FLNC: variants seen among roughly 807,000 people sequenced by gnomAD.
FLNC encodes filamin-C.
In FLNC, 91 loss-of-function variants were observed where a neutral mutation model predicts 254.3. The observed-to-expected ratio is 0.36, with a 90% CI of 0.30 to 0.43. The LOEUF (loss-of-function observed/expected upper bound fraction) is 0.43. Among genes scored for constraint, FLNC ranks in the 20% least tolerant of loss-of-function variants. The probability of loss-of-function intolerance (pLI) is 1.00; values close to 1 mark genes in which losing one functional copy is unlikely to be tolerated. For synonymous variants in FLNC, 1,430 were observed against 1,577.2 expected (o/e 0.91, Z 2.21); for missense variants, 2,853 against 3,802.6 (o/e 0.75, Z 6.57).
At position 128,851,599 on chromosome 7, in the gene FLNC, CG is replaced by C; in HGVS notation, c.5817del (p.Ser1940AlafsTer13). 6.2e-7 allele frequency: 1 copy of C among 1,613,950 alleles called. No homozygotes were observed. Among genetic ancestry groups the C allele is most frequent in the Non-Finnish European group, 8.5e-7 (1 of 1,180,048 alleles). ...IIVRFDDKHI[P>X]GSPFTAKITG... is the part of the protein sequence containing the mutation. The stretch of plus-strand genomic sequence containing the variant: ...GTGCGCTTCGATGACAAGCACATCC[CG>C]GGGAGCCCCTTCACAGCCAAGATCA... On this transcript the variant is annotated frameshift_variant, in exon 35 of 48. Transcript: ENST00000325888. LOFTEE classifies it high-confidence loss of function.
In FLNC at chr7:128,840,535, C is replaced by G. The variant is rs760933673; in HGVS notation, c.1550-13C>G. ...GATCTGCCTTCTTCCCCACCCTGCCCCCATCTCCTCAGAGGGCACAGAGGA... is the reference window on the plus strand; with the variant it reads ...GATCTGCCTTCTTCCCCACCCTGCCGCCATCTCCTCAGAGGGCACAGAGGA... On this transcript the variant is annotated splice_polypyrimidine_tract_variant and intron_variant, in intron 9 of 47. Transcript: ENST00000325888. 1 of 1,614,150 alleles carries G rather than the reference C, an allele frequency of 6.2e-7. No individual in the cohort carries two copies. Among genetic ancestry groups the G allele is most frequent in the Non-Finnish European group, 8.5e-7 (1 of 1,180,022 alleles).
rs182501707 is a variant in FLNC, at chr7:128,836,382, G to A, written c.602-778G>A. ...AAGCATTCCCAGCTGCTGAGCCATG[G>A]CCCATAACTGGTGTGGCTGCCAGCA... On this transcript the variant is annotated intron_variant, in intron 2 of 47. Transcript: ENST00000325888. The surrounding 1 kb of genome is among the most constrained non-coding windows in gnomAD (Gnocchi z 6.0). Among the ~76,000 whole-genome samples the A allele has an allele frequency of 6.6e-6, 1 of 152,314 alleles. No homozygotes were observed. Among genetic ancestry groups the A allele is most frequent in the African/African-American group, 2.4e-5 (1 of 41,556 alleles).
chr7:128,846,086 C>T lies in FLNC; in HGVS notation c.3887C>T (p.Ser1296Leu), dbSNP rs747587140. 2.5e-5 allele frequency: 40 copies of T among 1,613,786 alleles called. No individual in the cohort carries two copies. Among genetic ancestry groups the T allele is most frequent in the Middle Eastern group, 1.6e-4 (1 of 6,084 alleles). The stretch of plus-strand genomic sequence containing the variant: ...GTGACGGCTCGTGTGCTCAACCCCT[C>T]GGGGGCCAAGACAGACACCTATGTG... ...NHVTARVLNP[S>L]GAKTDTYVTD... Residue 1296 changes from serine to leucine, a missense_variant, in exon 22 of 48, where the codon TCG becomes TTG. Physicochemically the swap from Ser to Leu is moderately radical, Grantham distance 145 (BLOSUM62 -2). Around this residue, in one of 10 missense-constraint regions of FLNC, gnomAD observed 1,573 missense variants for 1,883.5 expected, o/e 0.84. Transcript: ENST00000325888.
chr7:128,835,721 T>G lies in FLNC; in HGVS notation c.601+147T>G. ...CCTGCAGGGTTTGTCCTCCTCCAGC[T>G]GTGGCTCTCCGCTGGCTGGTGGCAG... On this transcript the variant is annotated intron_variant, in intron 2 of 47. Coordinates refer to ENST00000325888, the MANE Select transcript of FLNC (RefSeq NM_001458.5). The surrounding 1 kb of genome is among the most constrained non-coding windows in gnomAD (Gnocchi z 5.3). 1.1e-6 allele frequency: 1 copy of G among 875,604 alleles called. No individual in the cohort carries two copies. The highest frequency in any genetic ancestry group is 1.8e-6 in the Non-Finnish European group (1 of 560,222). 54.2% of individuals were successfully genotyped at this position (875,604 alleles called of 1,614,324 possible). A position where few individuals can be genotyped will look rare whatever the true frequency, so the allele number is the denominator to read the frequency against.
At position 128,837,633 on chromosome 7, in the gene FLNC, G is replaced by C. The variant is rs372747855; in HGVS notation, c.851-4G>C. 4.9e-5 allele frequency: 79 copies of C among 1,612,420 alleles called. No individual in the cohort carries two copies. Among genetic ancestry groups the C allele is most frequent in the Non-Finnish European group, 6.4e-5 (75 of 1,179,988 alleles). ...GTAACCTGGGCTCTGCTCCTGCCCC[G>C]TAGGCATCGAGCCACAGGGCAACAC... is the stretch of plus-strand genomic sequence containing the variant. On this transcript the variant is annotated splice_polypyrimidine_tract_variant and splice_region_variant and intron_variant, in intron 4 of 47. Coordinates refer to ENST00000325888, the MANE Select transcript of FLNC (RefSeq NM_001458.5).
chr7:128,843,904 CTTAATAG>C lies in FLNC; in HGVS notation c.2921_2927del (p.Leu974ProfsTer13). 6.2e-7 allele frequency: 1 copy of C among 1,614,116 alleles called. No individual in the cohort carries two copies. The highest frequency in any genetic ancestry group is 8.5e-7 in the Non-Finnish European group (1 of 1,180,022). On this transcript the variant is annotated frameshift_variant and splice_region_variant, in exon 19 of 48. Transcript: ENST00000325888. LOFTEE classifies it high-confidence loss of function. ...CCTCAGCAAAATCAAAGTTCAGGGC[CTTAATAG>C]CAGTAAGTGGGGCAAGAGCCACCCT...
chr7:128,834,003 G>A (rs1233388849), intron 1 of FLNC, among the ~76,000 whole-genome samples: 1 of 152,174 alleles, frequency 6.6e-6, no homozygotes, highest in Non-Finnish European at 1.5e-5. Flanking sequence ...GAGTGGGGCA[G>A]GGGATGCCCT....
chr7:128,845,289 T>G, intron 21 of FLNC, 34 bp downstream of exon 21: 2 of 1,562,290 alleles, frequency 1.3e-6, no homozygotes, highest in Non-Finnish European at 1.8e-6. Context: ...AAAGGTCAAG[T>G]GGCAGGTGCA....
rs1256859746 is a variant in FLNC, at chr7:128,846,044, C to T, written c.3845C>T (p.Ala1282Val). Residue 1282 changes from alanine (A) to valine (V), a missense_variant, in exon 22 of 48, where the codon GCC (alanine) becomes GTC (valine). Physicochemically the swap from Ala to Val is moderately conservative, Grantham distance 64. Around this residue, in one of 10 missense-constraint regions of FLNC, gnomAD observed 1,573 missense variants for 1,883.5 expected, o/e 0.84. Transcript: ENST00000325888. ...ACTGTGGATGCAAGATCCCTAACAG[C>T]CACAGGCGGCAACCACGTGACGGCT... ...EFTVDARSLT[A>V]TGGNHVTARV... 20 of 1,613,900 alleles carry T rather than the reference C, an allele frequency of 1.2e-5. No homozygotes were observed. The highest frequency in any genetic ancestry group is 1.6e-5 in the Non-Finnish European group (19 of 1,180,016).
intron 33 of FLNC, 75 bp from the exon 34 acceptor site, chr7:128,851,157 G>A (rs1808793585): frequency 1.9e-6 from 3 of 1,607,706 alleles, no homozygotes; most frequent in African/African-American, 1.3e-5. Flanking sequence ...GGAGGCTGCT[G>A]GAAGGTGCTG....
At chr7:128,853,429 G>C in intron 37 of FLNC, 40 bp from the exon 38 acceptor site, 1 of 1,611,084 alleles carries the variant, frequency 6.2e-7, no homozygotes, top group African/African-American at 1.3e-5. Context: ...GGCTTGGCCA[G>C]CCTAGGACTG....
chr7:128,853,495 G>A lies in FLNC; in HGVS notation c.6235G>A (p.Glu2079Lys), dbSNP rs1808912284. 4 of 1,614,036 alleles carry A rather than the reference G, an allele frequency of 2.5e-6. No individual in the cohort carries two copies. The East Asian group carries it at 6.7e-5, about 27-fold the overall frequency. Residue 2079 changes from glutamate to lysine, a missense_variant, in exon 38 of 48, where the codon GAA (glutamate) becomes AAA (lysine). By Grantham distance (56) the Glu-to-Lys change is moderately conservative (BLOSUM62 1). Around this residue, in one of 10 missense-constraint regions of FLNC, gnomAD observed 551 missense variants for 835.0 expected, o/e 0.66. Transcript: ENST00000325888. ...TTATGGGGGCTTGGGGCTGAGTATT[G>A]AAGGCCCAAGCAAGGTGGACATCAA... ...AGYGGLGLSI[E>K]GPSKVDINCE...
chr7:128,845,888 AAGAGGAGAGGG>A lies in FLNC; in HGVS notation c.3791-89_3791-79del, dbSNP rs1460160700. The stretch of plus-strand genomic sequence containing the variant: ...GGTGAGAGGAGGGGAAGAGGAGGGG[AAGAGGAGAGGG>A]AGAGGAGAGGGAAAGGAGGGGGAGA... On this transcript the variant is annotated intron_variant, in intron 21 of 47. Transcript: ENST00000325888. The A allele has an allele frequency of 2.3e-4, 212 of 911,798 alleles. No individual in the cohort carries two copies. In the Middle Eastern group the frequency reaches 4.4e-3, roughly 19 times the overall value. 56.5% of individuals were successfully genotyped at this position (911,798 alleles called of 1,614,324 possible).
At chr7:128,831,633 T>A (rs1349370065) in intron 1 of FLNC, among the ~76,000 whole-genome samples, 1 of 152,202 alleles carries the variant, frequency 6.6e-6, no homozygotes, top group Non-Finnish European at 1.5e-5. Context: ...TCTGTCCTCC[T>A]CCTGCTTCAG....
chr7:128,846,444 C>T lies in FLNC; in HGVS notation c.4108C>T (p.Arg1370Ter), dbSNP rs1342121466. 2.5e-6 allele frequency: 4 copies of T among 1,603,058 alleles called. No individual in the cohort carries two copies. Among genetic ancestry groups the T allele is most frequent in the Non-Finnish European group, 3.4e-6 (4 of 1,179,946 alleles). The part of the protein sequence containing the change: ...LEGGLVNKAN[R>*]FTVETRGAGT... ...GGGTGGCTTGGTCAACAAGGCCAAC[C>T]GATTCACTGTGGAGACCAGGTATCC... Residue 1370 changes from arginine (R) to a stop codon, truncating the protein, a stop_gained, in exon 23 of 48, where the codon CGA (arginine) becomes TGA (stop). Coordinates refer to ENST00000325888, the MANE Select transcript of FLNC (RefSeq NM_001458.5). LOFTEE classifies it high-confidence loss of function.
chr7:128,832,787 C>T lies in FLNC; in HGVS notation c.352+1798C>T, dbSNP rs149768837. On this transcript the variant is annotated intron_variant, in intron 1 of 47. Transcript: ENST00000325888. ...GATAAGCTGTCAGCAATTCAGCTGC[C>T]GGCCCCAGGCTGAGGCTGGAGGGGA... Among the ~76,000 whole-genome samples the T allele has an allele frequency of 8.4e-3, 1,286 of 152,320 alleles. 9 individuals carry two copies. The highest frequency in any genetic ancestry group is 0.013 in the Non-Finnish European group (862 of 68,026).
chr7:128,833,419 C>T (rs1021542321), intron 1 of FLNC, among the ~76,000 whole-genome samples: 9 of 152,218 alleles, frequency 5.9e-5, no homozygotes, highest in African/African-American at 1.4e-4. Flanking sequence ...GCCCTGGTGG[C>T]GCTGAGCTCC....
chr7:128,853,163 G>A lies in FLNC; in HGVS notation c.6208+132G>A, dbSNP rs149062539. ...TCCTGACCAGTCTGCGTCAGGATTC[G>A]CATTCTGGGGCCCCTTGCGGGAAAG... On this transcript the variant is annotated intron_variant, in intron 37 of 47. Coordinates refer to ENST00000325888, the MANE Select transcript of FLNC (RefSeq NM_001458.5). 469 of 961,786 alleles carry A rather than the reference G, an allele frequency of 4.9e-4. 7 individuals are homozygous for A. The East Asian group carries it at 0.011, about 22-fold the overall frequency. The allele number at this position is 961,786 out of a possible 1,614,324, so 59.6% of individuals were successfully genotyped here. A position where few individuals can be genotyped will look rare whatever the true frequency, so the allele number is the denominator to read the frequency against.
intron 34 of FLNC, 38 bp downstream of exon 34, chr7:128,851,398 C>T (rs1212015007): frequency 6.2e-7 from 1 of 1,613,996 alleles, no homozygotes; most frequent in Admixed American, 1.7e-5. Flanking sequence ...GGTGGAGACT[C>T]ACCAGGGGCA....
Sources: gnomAD v4.1 joint callset for allele counts (sites outside exome capture counted in the v4.1 genomes callset) on GRCh38, gnomAD v4.1.1 for gene constraint, gnomAD v4.1.1 regional missense constraint, Gnocchi (gnomAD v3.1) non-coding constraint, MANE v1.5 for transcripts, NCBI Gene and HGNC (gene_info 2026-07-23, HGNC 2026-07-21) for gene names.